The following MRGBP variants were observed in gnomAD, a reference collection of about 807,000 sequenced individuals.
MRGBP encodes MRG domain binding protein.
MRGBP carries 5 observed loss-of-function variants against 21.5 expected under a neutral mutation model. The observed-to-expected ratio is 0.23, with a 90% CI of 0.12 to 0.49. The LOEUF (loss-of-function observed/expected upper bound fraction) is 0.49. MRGBP is among the 20% of genes least tolerant of loss of function. The pLI, the probability that MRGBP is intolerant of heterozygous loss-of-function variation, is 0.98. For synonymous variants in MRGBP, 118 were observed against 104.4 expected (o/e 1.13, Z -0.79); for missense variants, 227 against 277.4 (o/e 0.82, Z 1.29).
At chr20:62,798,546 T>C (rs1990385554) in intron 2 of MRGBP, 41 bp from the exon 3 acceptor site, 1 of 1,562,034 alleles carries the variant, frequency 6.4e-7, no homozygotes, top group Non-Finnish European at 8.8e-7. Context: ...AACTGCATCT[T>C]CACCCTTGTT....
At position 62,798,915 on chromosome 20, in the gene MRGBP, A is replaced by G. The variant is rs915049628; in HGVS notation, c.353-60A>G. On this transcript the variant is annotated intron_variant, in intron 3 of 4. Transcript: ENST00000370487. Reference sequence around the variant, plus strand: ...CGTCGGAGCAGTCCCTGGCCTGACCATCCCCCAGCGTCGGCCACCACCGTG... The same window carrying G: ...CGTCGGAGCAGTCCCTGGCCTGACCGTCCCCCAGCGTCGGCCACCACCGTG... The G allele has an allele frequency of 9.9e-6, 16 of 1,609,276 alleles. No homozygotes were observed. In the African/African-American group the frequency reaches 1.3e-4, roughly 13 times the overall value.
Position 62,798,678 on chromosome 20 carries a change from G to C in MRGBP, c.352+10G>C, listed in dbSNP as rs902475751. ...CAGGAGGTCCGAGAAGGTGAGGCTC[G>C]GGAAAGGTTGGGCTTGGGATTCAGA... is the stretch of plus-strand genomic sequence containing the variant. On this transcript the variant is annotated intron_variant, in intron 3 of 4. Transcript: ENST00000370487. 1.2e-6 allele frequency: 2 copies of C among 1,613,242 alleles called. No individual in the cohort carries two copies. The highest frequency in any genetic ancestry group is 2.2e-5 in the South Asian group (2 of 91,044).
In MRGBP at chr20:62,796,643, C is replaced by A; in HGVS notation, c.120C>A (p.Phe40Leu). Reference sequence around the variant, plus strand: ...GCCCCGAGGTGGAGGTGTGCCTCTTCCACGCCATGCTGGGCCACAAGCCCG... The same window carrying A: ...GCCCCGAGGTGGAGGTGTGCCTCTTACACGCCATGCTGGGCCACAAGCCCG... ...VWSPEVEVCL[F>L]HAMLGHKPVG... is the part of the protein sequence containing the mutation. The change falls in exon 1 of 5, where the codon TTC (phenylalanine) becomes TTA (leucine). Residue 40 changes from phenylalanine to leucine, a missense_variant. Transcript: ENST00000370487. The A allele has an allele frequency of 7.5e-7, 1 of 1,336,832 alleles. No homozygotes were observed. The highest frequency in any genetic ancestry group is 3.5e-5 in the Admixed American group (1 of 28,446). The allele number at this position is 1,336,832 out of a possible 1,614,324, so 82.8% of individuals were successfully genotyped here.
Position 62,796,595 on chromosome 20 carries a change from G to A in MRGBP, c.72G>A (p.Pro24=), listed in dbSNP as rs537198581. ...GCCCGGGGGAGGCGGCCACCAGCCCGGCGGAGGAGACAGTGGTGTGGAGCC... is the reference window on the plus strand; with the variant it reads ...GCCCGGGGGAGGCGGCCACCAGCCCAGCGGAGGAGACAGTGGTGTGGAGCC... ...DKGPGEAATS[P]AEETVVWSPE... is the part of the protein sequence containing the mutation. Residue 24 remains proline, a synonymous_variant, in exon 1 of 5, where the codon CCG becomes CCA. Transcript: ENST00000370487. 7.6e-5 allele frequency: 98 copies of A among 1,285,182 alleles called. No individual in the cohort carries two copies. The African/African-American group carries it at 1.5e-3, about 19-fold the overall frequency. 79.6% of individuals were successfully genotyped at this position (1,285,182 alleles called of 1,614,324 possible).
At position 62,798,511 on chromosome 20, in the gene MRGBP, T is replaced by A. The variant is rs912201770; in HGVS notation, c.271-76T>A. On this transcript the variant is annotated intron_variant, in intron 2 of 4. Transcript: ENST00000370487. The stretch of plus-strand genomic sequence containing the variant: ...TCATTGGCCTCTCCCCAAGTGGCTC[T>A]TACACGGCTCTAGTGACTTCTTGAA... The A allele has an allele frequency of 2.3e-6, 3 of 1,319,038 alleles. No homozygotes were observed. The East Asian group carries it at 7.0e-5, about 31-fold the overall frequency. The allele number at this position is 1,319,038 out of a possible 1,614,324, so 81.7% of individuals were successfully genotyped here.
Position 62,798,568 on chromosome 20 carries a change from ACT to A in MRGBP, c.271-14_271-13del, listed in dbSNP as rs750199904. 3.7e-6 allele frequency: 6 copies of A among 1,606,114 alleles called. No individual in the cohort carries two copies. Among genetic ancestry groups the A allele is most frequent in the East Asian group, 2.2e-5 (1 of 44,852 alleles). On this transcript the variant is annotated splice_polypyrimidine_tract_variant and intron_variant, in intron 2 of 4. Coordinates refer to ENST00000370487, the MANE Select transcript of MRGBP (RefSeq NM_018270.6). The stretch of plus-strand genomic sequence containing the variant: ...TCTTCACCCTTGTTTCTTAAACAAA[ACT>A]CTCTATTTGATATCAGCATGAGTCT...
At chr20:62,798,395 A>G (rs1245732732) in intron 2 of MRGBP, among the ~76,000 whole-genome samples, 192 bp from the exon 3 acceptor site, 3 of 152,214 alleles carry the variant, frequency 2.0e-5, no homozygotes, top group Non-Finnish European at 4.4e-5. Context: ...CTGTCTGGAA[A>G]GCCCAGCTGT....
intron 2 of MRGBP, 55 bp from the exon 3 acceptor site, chr20:62,798,532 T>C: frequency 6.7e-7 from 1 of 1,502,256 alleles, no homozygotes; most frequent in Non-Finnish European, 9.3e-7. Context: ...TAGTGACTTC[T>C]TGAAACTGCA....
At chr20:62,798,765 G>T (rs1009116717) in intron 3 of MRGBP, 97 bp downstream of exon 3, 1 of 1,590,498 alleles carries the variant, frequency 6.3e-7, no homozygotes, top group Non-Finnish European at 8.6e-7. Context: ...CTCCAGGGAG[G>T]TGTGAGGGTC....
intron 4 of MRGBP, 77 bp from the exon 5 acceptor site, chr20:62,799,378 AT>A (rs372719684): frequency 2.0e-6 from 3 of 1,492,160 alleles, no homozygotes; most frequent in African/African-American, 2.8e-5. Context: ...CAGTATGCAG[AT>A]TTTTTTAACT....
In MRGBP at chr20:62,800,690, G is replaced by A. The variant is rs559477525; in HGVS notation, c.*1047G>A. On this transcript the variant is annotated 3_prime_UTR_variant, in exon 5 of 5. Coordinates refer to ENST00000370487, the MANE Select transcript of MRGBP (RefSeq NM_018270.6). ...GATTTATAACTAAAGCATACACTTA[G>A]ATGACTTATTAACATTCACTTGATA... is the stretch of plus-strand genomic sequence containing the variant. 1.3e-5 allele frequency: 2 copies of A among 152,344 alleles called. No homozygotes were observed. Among genetic ancestry groups the A allele is most frequent in the South Asian group, 2.1e-4 (1 of 4,824 alleles). 9.4% of individuals were successfully genotyped at this position (152,344 alleles called of 1,614,324 possible). A position where few individuals can be genotyped will look rare whatever the true frequency, so the allele number is the denominator to read the frequency against.
rs779991761 is a variant in MRGBP at position 62,798,924 on chromosome 20, C to T, written c.353-51C>T. ...AGTCCCTGGCCTGACCATCCCCCAGCGTCGGCCACCACCGTGGGTTTTCGG... is the reference window on the plus strand; with the variant it reads ...AGTCCCTGGCCTGACCATCCCCCAGTGTCGGCCACCACCGTGGGTTTTCGG... On this transcript the variant is annotated intron_variant, in intron 3 of 4. Transcript: ENST00000370487. 2.2e-5 allele frequency: 36 copies of T among 1,610,368 alleles called. No individual in the cohort carries two copies. The South Asian group carries it at 2.6e-4, about 12-fold the overall frequency.
rs773565903 is a variant in MRGBP at position 62,799,647 on chromosome 20, C to T, written c.*4C>T. The T allele has an allele frequency of 2.5e-6, 4 of 1,605,854 alleles. No individual in the cohort carries two copies. Among genetic ancestry groups the T allele is most frequent in the African/African-American group, 1.3e-5 (1 of 74,836 alleles). ...TGCCAAGCGGCGCCGCACGTAGACC[C>T]TCAGCCCTGGTGGCGGCAGAGAAGC... is the stretch of plus-strand genomic sequence containing the variant. On this transcript the variant is annotated 3_prime_UTR_variant, in exon 5 of 5. Transcript: ENST00000370487.
At position 62,796,577 on chromosome 20, in the gene MRGBP, G is replaced by A. The variant is rs919104882; in HGVS notation, c.54G>A (p.Gly18=). ...GCGCCGCAGGCGACAAGGGCCCGGG[G>A]GAGGCGGCCACCAGCCCGGCGGAGG... ...GGGAAGDKGP[G]EAATSPAEET... Residue 18 remains glycine (G), a synonymous_variant, in exon 1 of 5, where the codon GGG becomes GGA. Transcript: ENST00000370487. The A allele has an allele frequency of 4.0e-6, 5 of 1,260,722 alleles. No individual in the cohort carries two copies. The African/African-American group carries it at 6.4e-5, about 16-fold the overall frequency. The allele number at this position is 1,260,722 out of a possible 1,614,324, so 78.1% of individuals were successfully genotyped here.
chr20:62,797,052 C>T (rs1486400336), intron 1 of MRGBP, 58 bp from the exon 2 acceptor site: 2 of 1,543,240 alleles, frequency 1.3e-6, no homozygotes, highest in South Asian at 2.5e-5. Context: ...AGCCCGTCCC[C>T]TCCATCCCCT....
chr20:62,798,362 C>A (rs1029408728), intron 2 of MRGBP, among the ~76,000 whole-genome samples: 2 of 152,164 alleles, frequency 1.3e-5, no homozygotes, highest in African/African-American at 4.8e-5. Context: ...CATCTGCTGC[C>A]GCTGGTTCTG....
At chr20:62,797,421 C>A (rs1438651636) in intron 2 of MRGBP, among the ~76,000 whole-genome samples, 190 bp downstream of exon 2, 1 of 152,142 alleles carries the variant, frequency 6.6e-6, no homozygotes, top group Non-Finnish European at 1.5e-5. Flanking sequence ...GGGCAGAGGC[C>A]CCTCCGTGCC....
Position 62,799,677 on chromosome 20 carries a change from G to A in MRGBP, c.*34G>A, listed in dbSNP as rs374650982. 45 of 1,587,548 alleles carry A rather than the reference G, an allele frequency of 2.8e-5. 1 individual carries two copies. In the South Asian group the frequency reaches 3.1e-4, roughly 11 times the overall value. On this transcript the variant is annotated 3_prime_UTR_variant, in exon 5 of 5. Coordinates refer to ENST00000370487, the MANE Select transcript of MRGBP (RefSeq NM_018270.6). Reference sequence around the variant, plus strand: ...CCCTGGTGGCGGCAGAGAAGCGGGCGAGGCACTGTGGTCGCTGAGGGGGTT... The same window carrying A: ...CCCTGGTGGCGGCAGAGAAGCGGGCAAGGCACTGTGGTCGCTGAGGGGGTT...
At chr20:62,799,316 T>A (rs1990404359) in intron 4 of MRGBP, 140 bp from the exon 5 acceptor site, 1 of 1,032,128 alleles carries the variant, frequency 9.7e-7, no homozygotes, top group East Asian at 2.6e-5. Context: ...TGGGCCCAAA[T>A]GCAAGGGGCT....
Sources: gnomAD v4.1 joint callset for allele counts (sites outside exome capture counted in the v4.1 genomes callset) on GRCh38, gnomAD v4.1.1 for gene constraint, MANE v1.5 for transcripts, NCBI Gene and HGNC (gene_info 2026-07-23, HGNC 2026-07-21) for gene names.